The following LYRM4 variants were observed in gnomAD, a reference collection of about 807,000 sequenced individuals.
The protein encoded by LYRM4 is LYR motif containing 4.
Under a neutral mutation model 11.7 loss-of-function variants are expected in LYRM4, and 9 were observed. The observed-to-expected ratio is 0.77, with a 90% CI of 0.46 to 1.34. The LOEUF (loss-of-function observed/expected upper bound fraction) is 1.34. LYRM4 is among the 40% of genes most tolerant of loss of function. The probability of loss-of-function intolerance (pLI) is 0.00; values close to 1 mark genes in which losing one functional copy is unlikely to be tolerated. For synonymous variants in LYRM4, 42 were observed against 40.4 expected (o/e 1.04, Z -0.15); for missense variants, 133 against 112.5 (o/e 1.18, Z -0.82).
downstream of LYRM4, among the ~76,000 whole-genome samples, chr6:5,099,391 C>CTCTATCTATCTA (rs58771475): frequency 0.28 from 40,740 of 145,212 alleles, 5,905 homozygotes; most frequent in East Asian, 0.32. The surrounding 1 kb of genome is among the most constrained non-coding windows in gnomAD (Gnocchi z 4.3). Context: ...AAATCTATTT[C>CTCTATCTATCTA]TCTATCTATC....
chr6:5,254,419 G>A (rs1192651906), intron 1 of LYRM4, among the ~76,000 whole-genome samples: 2 of 152,114 alleles, frequency 1.3e-5, no homozygotes, highest in Non-Finnish European at 2.9e-5. Context: ...TTTCTTGTTG[G>A]CAAAAACATG....
the LYRM4 span, chr6:5,086,592 G>T: frequency 2.1e-6 from 3 of 1,452,644 alleles, no homozygotes; most frequent in Admixed American, 2.4e-5. Context: ...GCCGTGGGGC[G>T]GGGTTGATTA....
At chr6:5,211,134 T>C (rs367648263) in intron 2 of LYRM4, among the ~76,000 whole-genome samples, 52 of 152,336 alleles carry the variant, frequency 3.4e-4, no homozygotes, top group Middle Eastern at 3.4e-3. Context: ...TCTGTTTTCC[T>C]GCAAAGGACC....
chr6:5,245,935 C>T (rs891212083), intron 1 of LYRM4, among the ~76,000 whole-genome samples: 10 of 152,036 alleles, frequency 6.6e-5, no homozygotes, highest in East Asian at 1.9e-4. Flanking sequence ...GGACATAAGG[C>T]GAGAAAGGCA....
chr6:5,050,061 T>G, the LYRM4 span, among the ~76,000 whole-genome samples: 3 of 152,254 alleles, frequency 2.0e-5, no homozygotes, highest in Non-Finnish European at 4.4e-5. Flanking sequence ...TGTTCGACAT[T>G]CAAGAAGATG....
At position 5,234,327 on chromosome 6, in the gene LYRM4, A is replaced by G. The variant is rs1331316580; in HGVS notation, c.87-17589T>C. 3.3e-5 allele frequency among the ~76,000 whole-genome samples: 5 copies of G among 152,202 alleles called. No homozygotes were observed. The East Asian group carries it at 9.6e-4, about 29-fold the overall frequency. ...CCTCGTGTTCTTATCACCCAATGGCAAGTGGCCTTCACGGGGCAGCTCCCT... is the reference window on the plus strand; with the variant it reads ...CCTCGTGTTCTTATCACCCAATGGCGAGTGGCCTTCACGGGGCAGCTCCCT... On this transcript the variant is annotated intron_variant, in intron 1 of 2. Transcript: ENST00000330636.
intron 2 of LYRM4, among the ~76,000 whole-genome samples, chr6:5,212,829 G>T (rs927253268): frequency 6.6e-6 from 1 of 152,190 alleles, no homozygotes; most frequent in African/African-American, 2.4e-5. Flanking sequence ...ACAAGTGTAT[G>T]TCTGGCTTCT....
the LYRM4 span, among the ~76,000 whole-genome samples, chr6:5,080,976 C>T: frequency 2.0e-5 from 3 of 152,064 alleles, no homozygotes; most frequent in Non-Finnish European, 4.4e-5. Flanking sequence ...AAAATAAATA[C>T]TGTTATTATT....
intron 2 of LYRM4, among the ~76,000 whole-genome samples, chr6:5,158,963 G>GCC (rs35322216): frequency 1.3e-5 from 2 of 152,082 alleles, no homozygotes; most frequent in African/African-American, 4.8e-5. Flanking sequence ...GGCAACCTTG[G>GCC]CCTCCTCATC....
rs547508719 is a variant in LYRM4 at position 5,124,351 on chromosome 6, G to A, written c.208-14860C>T. On this transcript the variant is annotated intron_variant, in intron 2 of 2. Transcript: ENST00000330636. ...CCCACCTCAGCCTCCCAAAGTGCTG[G>A]GATTATAGGTGTGAACCACTGAGTC... 4.6e-5 allele frequency among the ~76,000 whole-genome samples: 7 copies of A among 152,208 alleles called. No homozygotes were observed. In the East Asian group the frequency reaches 1.2e-3, roughly 25 times the overall value.
intron 2 of LYRM4, among the ~76,000 whole-genome samples, chr6:5,124,611 C>T (rs1285773522): frequency 1.3e-5 from 2 of 152,140 alleles, no homozygotes; most frequent in Non-Finnish European, 2.9e-5. Context: ...ACTTCAATCA[C>T]CATGATGGCA....
the LYRM4 span, among the ~76,000 whole-genome samples, chr6:5,041,334 G>A: frequency 6.6e-6 from 1 of 152,180 alleles, no homozygotes; most frequent in African/African-American, 2.4e-5. Flanking sequence ...CCAAAATTAA[G>A]TGCCTGGCCA....
intron 2 of LYRM4, chr6:5,187,026 C>A: frequency 1.0e-6 from 1 of 968,252 alleles, no homozygotes; most frequent in Non-Finnish European, 1.2e-6. Context: ...GTAAATGGGG[C>A]CCCAAAATAA....
At chr6:5,217,290 C>A (rs569294292) in intron 1 of LYRM4, among the ~76,000 whole-genome samples, 2 of 152,220 alleles carry the variant, frequency 1.3e-5, no homozygotes, top group Non-Finnish European at 2.9e-5. Context: ...AGGATCCCAC[C>A]ACAGTTGAAC....
chr6:5,111,031 A>G (rs2127593833), intron 2 of LYRM4, among the ~76,000 whole-genome samples: 1 of 152,302 alleles, frequency 6.6e-6, no homozygotes, highest in African/African-American at 2.4e-5. Context: ...CCTTCTGGAC[A>G]ACCTGAAATA....
chr6:5,100,766 G>C (rs1762474167), downstream of LYRM4, among the ~76,000 whole-genome samples: 1 of 152,198 alleles, frequency 6.6e-6, no homozygotes, highest in African/African-American at 2.4e-5. Flanking sequence ...CCTGTTAAGG[G>C]GATGTGCTGT....
chr6:5,063,964 G>A, the LYRM4 span, among the ~76,000 whole-genome samples: 9 of 152,224 alleles, frequency 5.9e-5, no homozygotes, highest in Non-Finnish European at 1.0e-4. Flanking sequence ...CAGTGGCTCC[G>A]GTGGGAGCTG....
chr6:5,193,826 A>G (rs1760898864), intron 2 of LYRM4, among the ~76,000 whole-genome samples: 1 of 152,120 alleles, frequency 6.6e-6, no homozygotes, highest in African/African-American at 2.4e-5. Context: ...CATACTATGG[A>G]TATGATTTGG....
At chr6:5,254,198 C>A (rs1039096793) in intron 1 of LYRM4, among the ~76,000 whole-genome samples, 1 of 152,220 alleles carries the variant, frequency 6.6e-6, no homozygotes, top group Non-Finnish European at 1.5e-5. Flanking sequence ...CCCTTGACTG[C>A]ATGTCACAAA....
Sources: gnomAD v4.1 joint callset for allele counts (sites outside exome capture counted in the v4.1 genomes callset) on GRCh38, gnomAD v4.1.1 for gene constraint, Gnocchi (gnomAD v3.1) non-coding constraint, MANE v1.5 for transcripts, NCBI Gene and HGNC (gene_info 2026-07-23, HGNC 2026-07-21) for gene names.